Variants in AK9 observed in about 807,000 individuals in gnomAD.
AK9 encodes adenylate kinase 9, also known as adenylate kinase domain containing 1.
A neutral mutation model predicts 239.6 loss-of-function variants in AK9; 191 were observed. That is an observed-to-expected ratio of 0.80 (90% CI 0.71 to 0.90). AK9 has a LOEUF of 0.90. Among genes scored for constraint, AK9 ranks in the 40% least tolerant of loss-of-function variants. The pLI, the probability that AK9 is intolerant of heterozygous loss-of-function variation, is 0.00. For synonymous variants in AK9, 689 were observed against 721.0 expected, an observed-to-expected ratio of 0.96 and a Z score of 0.71; for missense variants, 1,995 against 2,214.7, an observed-to-expected ratio of 0.90 and a Z score of 1.99.
chr6:109,515,956 A>C lies in AK9; in HGVS notation c.3966T>G (p.Ile1322Met). The change falls in exon 31 of 41, where the codon ATT (isoleucine) becomes ATG (methionine). Residue 1322 changes from isoleucine (I) to methionine (M), a missense_variant. By Grantham distance (10) the Ile-to-Met change is conservative. Coordinates refer to ENST00000424296, the MANE Select transcript of AK9 (RefSeq NM_001145128.3). Reference sequence around the variant, plus strand: ...CTGGTATTGGATGACATTTCTCAAAAATGCTTGCACGATTTTCCACCAGTG... The same window carrying C: ...CTGGTATTGGATGACATTTCTCAAACATGCTTGCACGATTTTCCACCAGTG... ...LKPLVENRAS[I>M]FEKCHPIPAP... is the part of the protein sequence containing the mutation. 6.4e-7 allele frequency: 1 copy of C among 1,551,674 alleles called. No individual in the cohort carries two copies.
At chr6:109,525,611 CTT>C (rs936165757) in intron 29 of AK9, among the ~76,000 whole-genome samples, 1 of 152,106 alleles carries the variant, frequency 6.6e-6, no homozygotes, top group Admixed American at 6.6e-5. Flanking sequence ...ACAGTGGTGT[CTT>C]ATCTCATGCC....
At chr6:109,516,749 T>C (rs1023387804) in intron 29 of AK9, 107 bp from the exon 30 acceptor site, 26 of 965,912 alleles carry the variant, frequency 2.7e-5, no homozygotes, top group Non-Finnish European at 3.8e-5. Context: ...TTGGTTGGTA[T>C]TGCATGTTGA....
At chr6:109,627,342 C>CAGTT (rs1304952872) in intron 12 of AK9, among the ~76,000 whole-genome samples, 6 of 151,956 alleles carry the variant, frequency 3.9e-5, no homozygotes, top group Non-Finnish European at 8.8e-5. Flanking sequence ...ACGTTTTCTA[C>CAGTT]AAGTAGAAGG....
At chr6:109,633,393 T>C (rs1312554392) in intron 10 of AK9, 70 bp from the exon 11 acceptor site, 1 of 1,444,916 alleles carries the variant, frequency 6.9e-7, no homozygotes, top group Non-Finnish European at 9.2e-7. Flanking sequence ...ATTAAATATT[T>C]CATTTATCAT....
intron 8 of AK9, among the ~76,000 whole-genome samples, chr6:109,649,767 G>A (rs1327481991): frequency 6.6e-6 from 1 of 152,132 alleles, no homozygotes; most frequent in East Asian, 1.9e-4. Context: ...AAAAGAGCTG[G>A]CATCGCCAAG....
chr6:109,638,966 G>T (rs1010124004), intron 10 of AK9, among the ~76,000 whole-genome samples: 4 of 152,266 alleles, frequency 2.6e-5, no homozygotes, highest in South Asian at 2.1e-4. Flanking sequence ...CCATGTCCCT[G>T]CAAAGGACAT....
chr6:109,508,281 C>G (rs1477502439), intron 33 of AK9, among the ~76,000 whole-genome samples: 5 of 152,154 alleles, frequency 3.3e-5, no homozygotes, highest in Non-Finnish European at 7.3e-5. Flanking sequence ...TGAAGAGTCA[C>G]TTGAGTGACC....
intron 12 of AK9, among the ~76,000 whole-genome samples, chr6:109,624,428 G>T (rs940287400): frequency 2.4e-4 from 37 of 152,186 alleles, no homozygotes; most frequent in African/African-American, 8.4e-4. Flanking sequence ...GCAATTTTTT[G>T]TGTGTGTGAC....
At chr6:109,643,798 T>G (rs908360223) in intron 9 of AK9, among the ~76,000 whole-genome samples, 3 of 152,188 alleles carry the variant, frequency 2.0e-5, no homozygotes, top group African/African-American at 7.2e-5. Context: ...CTATGCTCTT[T>G]CTGGCCTCTG....
intron 21 of AK9, among the ~76,000 whole-genome samples, chr6:109,568,090 T>C (rs1312894554): frequency 3.3e-5 from 5 of 152,050 alleles, no homozygotes; most frequent in African/African-American, 4.8e-5. Context: ...ACGATCAAGT[T>C]GGCTTCATCC....
chr6:109,668,393 T>G (rs1314300137), intron 5 of AK9, among the ~76,000 whole-genome samples: 1 of 152,016 alleles, frequency 6.6e-6, no homozygotes, highest in Non-Finnish European at 1.5e-5. Flanking sequence ...CAAAAGCTCT[T>G]TAGTTTAATT....
rs150270108 is a variant in AK9 at position 109,497,510 on chromosome 6, C to A, written c.5270G>T (p.Arg1757Leu). Residue 1757 changes from arginine to leucine, a missense_variant, in exon 38 of 41, where the codon CGT (arginine) becomes CTT (leucine). By Grantham distance (102) the Arg-to-Leu change is moderately radical. Around this residue, in one of 5 missense-constraint regions of AK9, gnomAD observed 391 missense variants for 456.0 expected, o/e 0.86. Coordinates refer to ENST00000424296, the MANE Select transcript of AK9 (RefSeq NM_001145128.3). Reference protein sequence around the residue: ...SINYALEYHNRIYICENKEKL... With the variant: ...SINYALEYHNLIYICENKEKL... ...TTCTTTGTTCTCACAAATATATATACGATTATGATATTCTAAAGCATAGTT... is the reference window on the plus strand; with the variant it reads ...TTCTTTGTTCTCACAAATATATATAAGATTATGATATTCTAAAGCATAGTT... 9 of 1,609,324 alleles carry A rather than the reference C, an allele frequency of 5.6e-6. No individual in the cohort carries two copies. The African/African-American group carries it at 8.0e-5, about 14-fold the overall frequency.
In AK9 at chr6:109,675,637, C is replaced by A; in HGVS notation, c.109G>T (p.Gly37Trp). The A allele has an allele frequency of 6.5e-7, 1 of 1,531,052 alleles. No homozygotes were observed. The highest frequency in any genetic ancestry group is 2.1e-5 in the Admixed American group (1 of 47,518). 94.8% of individuals were successfully genotyped at this position (1,531,052 alleles called of 1,614,324 possible). Residue 37 changes from glycine (G) to tryptophan (W), a missense_variant, in exon 2 of 41, where the codon GGG becomes TGG. Gly to Trp is a radical substitution (Grantham distance 184). Around this residue, in one of 5 missense-constraint regions of AK9, gnomAD observed 252 missense variants for 246.4 expected, o/e 1.02. Transcript: ENST00000424296. ...LSKPVCFVVF[G>W]KPGVGKTTLA... ...AATAAGAGATAACTTACTGGTTTCCCAAATACAACAAAGCAAACAGGTTTG... is the reference window on the plus strand; with the variant it reads ...AATAAGAGATAACTTACTGGTTTCCAAAATACAACAAAGCAAACAGGTTTG...
At position 109,522,007 on chromosome 6, in the gene AK9, A is replaced by G. The variant is rs563098470; in HGVS notation, c.3634-5365T>C. On this transcript the variant is annotated intron_variant, in intron 29 of 40. Transcript: ENST00000424296. ...ATTTTCACTGATCTTAAGTATCTGA[A>G]AATTTTTCCATTTCATTTCTCTCAT... Among the ~76,000 whole-genome samples, 13 of 101,202 alleles carry G rather than the reference A, an allele frequency of 1.3e-4. 1 individual carries two copies. In the South Asian group the frequency reaches 3.3e-3, roughly 26 times the overall value. 66.4% of individuals were successfully genotyped at this position (101,202 alleles called of 152,430 possible).
rs1430043079 is a variant in AK9 at position 109,514,384 on chromosome 6, A to T, written c.4119T>A (p.Tyr1373Ter). Residue 1373 changes from tyrosine to a stop codon, truncating the protein, a stop_gained, in exon 32 of 41, where the codon TAT (tyrosine) becomes TAA (stop). Transcript: ENST00000424296. LOFTEE classifies it high-confidence loss of function. ...AAATATACTGACGATGGATTACAGG[A>T]TAAATTGGATTCTCTGCATTTTCAA... ...KPVENAENPI[Y>*]PVIHRQYIYF... 6.4e-7 allele frequency: 1 copy of T among 1,550,636 alleles called. No homozygotes were observed. The highest frequency in any genetic ancestry group is 8.7e-7 in the Non-Finnish European group (1 of 1,146,812).
At chr6:109,503,623 G>A (rs13220915) in intron 35 of AK9, among the ~76,000 whole-genome samples, 52,525 of 152,032 alleles carry the variant, frequency 0.35, 9,546 homozygotes, top group South Asian at 0.44. Flanking sequence ...TCAGGCGGAC[G>A]CTGAAGCAGA....
intron 19 of AK9, among the ~76,000 whole-genome samples, chr6:109,581,111 G>A (rs1184079393): frequency 6.6e-6 from 1 of 152,000 alleles, no homozygotes; most frequent in Non-Finnish European, 1.5e-5. Flanking sequence ...TGCTGTGGGT[G>A]TTGTGACTGC....
chr6:109,510,750 G>A (rs984866855), intron 32 of AK9, among the ~76,000 whole-genome samples: 3 of 152,266 alleles, frequency 2.0e-5, no homozygotes, highest in Admixed American at 2.0e-4. Flanking sequence ...ACAAGAATTT[G>A]GGCAAAAGTG....
chr6:109,656,656 CAG>C, intron 8 of AK9, 98 bp downstream of exon 8: 1 of 1,301,220 alleles, frequency 7.7e-7, no homozygotes, highest in African/African-American at 1.5e-5. Flanking sequence ...GAGAATCAGA[CAG>C]ATAATAACAC....
Sources: gnomAD v4.1 joint callset for allele counts (sites outside exome capture counted in the v4.1 genomes callset) on GRCh38, gnomAD v4.1.1 for gene constraint, gnomAD v4.1.1 regional missense constraint, MANE v1.5 for transcripts, NCBI Gene and HGNC (gene_info 2026-07-23, HGNC 2026-07-21) for gene names.